PGAP4: variants seen among roughly 807,000 people sequenced by gnomAD.
PGAP4 encodes the protein post-GPI attachment to proteins GalNAc transferase 4.
A neutral mutation model predicts 28.2 loss-of-function variants in PGAP4; 12 were observed. The observed-to-expected ratio is 0.42, with a 90% CI of 0.27 to 0.69. The LOEUF is 0.69. Ranked by LOEUF, PGAP4 falls within the 30% of genes least tolerant of loss-of-function variation. PGAP4 has a pLI of 0.22. For synonymous variants in PGAP4, 205 were observed against 211.8 expected, an observed-to-expected ratio of 0.97 and a Z score of 0.28; for missense variants, 425 against 513.5, an observed-to-expected ratio of 0.83 and a Z score of 1.67.
chr9:101,484,259 CAGAA>C (rs1170910279), intron 1 of PGAP4, among the ~76,000 whole-genome samples: 1 of 150,394 alleles, frequency 6.6e-6, no homozygotes, highest in East Asian at 2.0e-4. Flanking sequence ...GGAAAGAAGA[CAGAA>C]AGAGAGAAGG....
intron 2 of PGAP4, among the ~76,000 whole-genome samples, chr9:101,522,600 G>A (rs12685862): frequency 0.15 from 23,090 of 152,034 alleles, 2,370 homozygotes; most frequent in East Asian, 0.36. Context: ...TTAAGTTTAT[G>A]TGAGTCGTTA....
chr9:101,504,039 T>A (rs1340531933), intron 2 of PGAP4, among the ~76,000 whole-genome samples: 1 of 140,364 alleles, frequency 7.1e-6, no homozygotes, highest in Non-Finnish European at 1.6e-5. Context: ...AAAGGCCAGT[T>A]TTTTTTCTAA....
At chr9:101,505,622 G>T (rs2118599609) in intron 2 of PGAP4, among the ~76,000 whole-genome samples, 1 of 152,172 alleles carries the variant, frequency 6.6e-6, no homozygotes, top group South Asian at 2.1e-4. Context: ...GAGAATTCAG[G>T]AGATAGTCCT....
intron 2 of PGAP4, among the ~76,000 whole-genome samples, chr9:101,520,632 T>C (rs1050651532): frequency 7.2e-5 from 11 of 151,994 alleles, no homozygotes; most frequent in Non-Finnish European, 2.9e-5. Flanking sequence ...GTCCTTAGGG[T>C]TTTCAAGGTA....
At chr9:101,482,851 C>T (rs1826524739) in intron 1 of PGAP4, among the ~76,000 whole-genome samples, 1 of 152,176 alleles carries the variant, frequency 6.6e-6, no homozygotes, top group Non-Finnish European at 1.5e-5. Flanking sequence ...TCAGACTCAT[C>T]TATTTATAGC....
chr9:101,505,466 A>G (rs759736674), intron 2 of PGAP4, among the ~76,000 whole-genome samples: 9 of 152,068 alleles, frequency 5.9e-5, no homozygotes, highest in Non-Finnish European at 1.0e-4. Context: ...CACACCAAGG[A>G]CGGTATGATT....
intron 2 of PGAP4, among the ~76,000 whole-genome samples, chr9:101,528,724 T>C (rs1827057630): frequency 6.6e-6 from 1 of 150,906 alleles, no homozygotes; most frequent in South Asian, 2.1e-4. Context: ...AACCCAAACA[T>C]AGACTGTCAC....
At chr9:101,529,800 G>T (rs1450201350) in intron 2 of PGAP4, among the ~76,000 whole-genome samples, 1 of 152,294 alleles carries the variant, frequency 6.6e-6, no homozygotes, top group East Asian at 1.9e-4. Context: ...CTCCCAGGTG[G>T]ACCTGGACAT....
At position 101,486,648 on chromosome 9, in the gene PGAP4, C is replaced by T. The variant is rs1482301727; in HGVS notation, c.-78+301G>A. Among the ~76,000 whole-genome samples, 1 of 140,386 alleles carries T rather than the reference C, an allele frequency of 7.1e-6. No individual in the cohort carries two copies. Among genetic ancestry groups the T allele is most frequent in the Non-Finnish European group, 1.6e-5 (1 of 63,098 alleles). The allele number at this position is 140,386 out of a possible 152,430, so 92.1% of individuals were successfully genotyped here. A position where few individuals can be genotyped will look rare whatever the true frequency, so the allele number is the denominator to read the frequency against. On this transcript the variant is annotated intron_variant, in intron 1 of 1. Transcript: ENST00000374848. This position sits in a 1 kb window ranked among gnomAD's most constrained non-coding sequence, Gnocchi z 4.7. ...CGCAGGCAAGGGCCAGGGAGGCGCC[C>T]CCGAGACACTCAACCATCCCCGCAC...
At chr9:101,528,829 T>C (rs1588212045) in intron 2 of PGAP4, among the ~76,000 whole-genome samples, 1 of 151,264 alleles carries the variant, frequency 6.6e-6, no homozygotes, top group Non-Finnish European at 1.5e-5. Context: ...GAGGCACATG[T>C]GCAGTTTGTT....
intron 2 of PGAP4, among the ~76,000 whole-genome samples, chr9:101,500,539 T>G (rs1014999338): frequency 3.9e-5 from 6 of 151,926 alleles, no homozygotes; most frequent in African/African-American, 1.4e-4. Context: ...TGTTTTTTTT[T>G]TTTTACTATG....
intron 1 of PGAP4, among the ~76,000 whole-genome samples, chr9:101,483,285 C>CAT (rs1464151081): frequency 2.0e-5 from 3 of 152,184 alleles, no homozygotes; most frequent in Non-Finnish European, 4.4e-5. Context: ...AAGAGCTGGT[C>CAT]ATATACTGTG....
chr9:101,492,043 A>C (rs1184628346), upstream of PGAP4, among the ~76,000 whole-genome samples: 1 of 151,682 alleles, frequency 6.6e-6, no homozygotes, highest in Non-Finnish European at 1.5e-5. Context: ...CAGTTCTATC[A>C]ATTATAGGAA....
In PGAP4 at chr9:101,475,147, G is replaced by C. The variant is rs1003539798; in HGVS notation, c.*734C>G. 1.3e-5 allele frequency: 2 copies of C among 152,348 alleles called. No individual in the cohort carries two copies. The highest frequency in any genetic ancestry group is 4.8e-5 in the African/African-American group (2 of 41,400). 9.4% of individuals were successfully genotyped at this position (152,348 alleles called of 1,614,324 possible). ...GTCCAATTTTCAAAGAGTCAGAGTA[G>C]TACAGAAATGTTCAATGTTAAATCA... is the stretch of plus-strand genomic sequence containing the variant. On this transcript the variant is annotated 3_prime_UTR_variant, in exon 2 of 2. Coordinates refer to ENST00000374848, the MANE Select transcript of PGAP4 (RefSeq NM_032342.3).
chr9:101,508,522 A>T (rs1826868667), intron 2 of PGAP4, among the ~76,000 whole-genome samples: 1 of 152,152 alleles, frequency 6.6e-6, no homozygotes, highest in South Asian at 2.1e-4. Flanking sequence ...TGCTCTACCC[A>T]GCTTTCATGC....
At chr9:101,499,128 A>G (rs1474155777) in intron 2 of PGAP4, among the ~76,000 whole-genome samples, 1 of 151,884 alleles carries the variant, frequency 6.6e-6, no homozygotes, top group Non-Finnish European at 1.5e-5. Flanking sequence ...AAAAGACTGG[A>G]AAAAAAAGTA....
upstream of PGAP4, among the ~76,000 whole-genome samples, chr9:101,490,657 A>G (rs1291444245): frequency 6.6e-6 from 1 of 152,226 alleles, no homozygotes; most frequent in Non-Finnish European, 1.5e-5. Context: ...TATAGCAGCA[A>G]CTAATTTCCC....
intron 2 of PGAP4, among the ~76,000 whole-genome samples, chr9:101,517,262 C>T (rs1564101707): frequency 6.6e-6 from 1 of 151,858 alleles, no homozygotes; most frequent in Non-Finnish European, 1.5e-5. Context: ...GAAAGAAAAT[C>T]AATGACAAAG....
chr9:101,485,524 GAGA>G (rs1168409615), intron 1 of PGAP4, among the ~76,000 whole-genome samples: 3 of 152,264 alleles, frequency 2.0e-5, no homozygotes, highest in South Asian at 4.1e-4. Flanking sequence ...AAGTCAGGAG[GAGA>G]AAGATACTCC....
Sources: allele counts gnomAD v4.1 joint callset (sites outside exome capture counted in the v4.1 genomes callset), GRCh38; gene constraint gnomAD v4.1.1; non-coding constraint Gnocchi (gnomAD v3.1); transcripts MANE v1.5; gene names NCBI Gene and HGNC (gene_info 2026-07-23, HGNC 2026-07-21).